Variants in EYS observed in about 807,000 individuals in gnomAD.
The protein encoded by EYS is protein eyes shut homolog.
EYS carries 250 observed loss-of-function variants against 282.1 expected under a neutral mutation model. The ratio of observed to expected loss-of-function variants is 0.89; its 90% CI spans 0.80 to 0.98. The LOEUF is 0.98. EYS is among the 50% of genes least tolerant of loss of function. EYS has a pLI of 0.00. For synonymous variants in EYS, 1,355 were observed against 1,282.9 expected, an observed-to-expected ratio of 1.06 and a Z score of -1.20; for missense variants, 4,016 against 3,709.0, an observed-to-expected ratio of 1.08 and a Z score of -2.15.
At chr6:64,604,036 TTC>T (rs1299581173) in intron 24 of EYS, among the ~76,000 whole-genome samples, 1 of 151,924 alleles carries the variant, frequency 6.6e-6, no homozygotes, top group Non-Finnish European at 1.5e-5. Flanking sequence ...TCTGCATTAT[TTC>T]TCTCTTTTTT....
At chr6:65,234,517 T>A (rs1310513507) in intron 12 of EYS, among the ~76,000 whole-genome samples, 1 of 152,172 alleles carries the variant, frequency 6.6e-6, no homozygotes, top group African/African-American at 2.4e-5. Context: ...TAATTGAAGA[T>A]CACCATCATT....
intron 30 of EYS, among the ~76,000 whole-genome samples, chr6:64,249,309 CAT>C (rs1223324373): frequency 6.6e-6 from 1 of 152,026 alleles, no homozygotes; most frequent in Admixed American, 6.6e-5. Flanking sequence ...TGCTCTGACT[CAT>C]AAGTAAGAGC....
chr6:64,254,950 A>G (rs1184320394), intron 30 of EYS, among the ~76,000 whole-genome samples: 1 of 152,140 alleles, frequency 6.6e-6, no homozygotes, highest in Non-Finnish European at 1.5e-5. Flanking sequence ...AGGAAATTTG[A>G]TGTTAAAGAT....
intron 35 of EYS, among the ~76,000 whole-genome samples, chr6:63,967,856 T>TA (rs1766378840): frequency 6.6e-6 from 1 of 152,196 alleles, no homozygotes; most frequent in South Asian, 2.1e-4. Flanking sequence ...GTCAGCCTCT[T>TA]ACAGCCCTGG....
chr6:64,151,325 A>ATATATT (rs1554212618), intron 31 of EYS, among the ~76,000 whole-genome samples: 6 of 78,668 alleles, frequency 7.6e-5, no homozygotes, highest in African/African-American at 4.3e-4. Context: ...ATTTATATAT[A>ATATATT]TATATATATA....
At chr6:63,935,594 A>G (rs1286898478) in intron 35 of EYS, among the ~76,000 whole-genome samples, 2 of 152,184 alleles carry the variant, frequency 1.3e-5, no homozygotes, top group East Asian at 3.8e-4. Context: ...ATGTATACAC[A>G]TAGAGGAAAG....
rs144307807 is a variant in EYS at position 64,334,868 on chromosome 6, T to A, written c.6079-27786A>T. Among the ~76,000 whole-genome samples the A allele has an allele frequency of 8.0e-3, 1,222 of 152,230 alleles. 8 individuals carry two copies. Among genetic ancestry groups the A allele is most frequent in the Non-Finnish European group, 0.013 (888 of 68,014 alleles). On this transcript the variant is annotated intron_variant, in intron 29 of 42. Coordinates refer to ENST00000503581, the MANE Select transcript of EYS (RefSeq NM_001142800.2). ...TGGTCTGGCTGGAACCCAAGTTCAC[T>A]CTTTGGAGGATGGTTTTCATGGTTT...
At position 65,397,338 on chromosome 6, in the gene EYS, C is replaced by T. The variant is rs73445173; in HGVS notation, c.1184+5140G>A. 6.9e-3 allele frequency among the ~76,000 whole-genome samples: 1,042 copies of T among 151,740 alleles called. 11 individuals are homozygous for T. The highest frequency in any genetic ancestry group is 0.023 in the African/African-American group (967 of 41,358). On this transcript the variant is annotated intron_variant, in intron 7 of 42. Coordinates refer to ENST00000503581, the MANE Select transcript of EYS (RefSeq NM_001142800.2). Reference sequence around the variant, plus strand: ...ATAACCCGAATAGTGAACATTTTACCCAATAGTTCATATTTCATTCTTACA... The same window carrying T: ...ATAACCCGAATAGTGAACATTTTACTCAATAGTTCATATTTCATTCTTACA...
rs975981842 is a variant in EYS, at chr6:63,962,822, T to C, written c.7055+21561A>G. 3.3e-5 allele frequency among the ~76,000 whole-genome samples: 5 copies of C among 152,258 alleles called. No homozygotes were observed. In the Middle Eastern group the frequency reaches 0.01, roughly 311 times the overall value. ...GACACATGCGCACGTATGTTTATTGTGGCACTATTCACGATAGCAAAGACT... is the reference window on the plus strand; with the variant it reads ...GACACATGCGCACGTATGTTTATTGCGGCACTATTCACGATAGCAAAGACT... On this transcript the variant is annotated intron_variant, in intron 35 of 42. Coordinates refer to ENST00000503581, the MANE Select transcript of EYS (RefSeq NM_001142800.2).
At chr6:63,930,598 T>G (rs1223302847) in intron 35 of EYS, among the ~76,000 whole-genome samples, 1 of 152,196 alleles carries the variant, frequency 6.6e-6, no homozygotes, top group Non-Finnish European at 1.5e-5. Flanking sequence ...ATGCTTATTT[T>G]AGATATAAAA....
intron 7 of EYS, among the ~76,000 whole-genome samples, chr6:65,386,392 C>A (rs1286963501): frequency 6.9e-6 from 1 of 144,802 alleles, no homozygotes; most frequent in Non-Finnish European, 1.5e-5. Flanking sequence ...GCGCTTGTAT[C>A]CCTGAACTTT....
intron 19 of EYS, among the ~76,000 whole-genome samples, chr6:64,875,522 A>G (rs1465181237): frequency 1.3e-5 from 2 of 152,054 alleles, no homozygotes; most frequent in Admixed American, 6.6e-5. Context: ...AAAGTTCCCT[A>G]TGTAAAGTGC....
chr6:64,485,705 A>G (rs1242431501), intron 26 of EYS, among the ~76,000 whole-genome samples: 4 of 151,518 alleles, frequency 2.6e-5, no homozygotes, highest in African/African-American at 7.3e-5. Context: ...CTAACCACCA[A>G]ATGAAGCATG....
chr6:64,136,453 A>G (rs561104275), intron 31 of EYS, among the ~76,000 whole-genome samples: 1 of 152,262 alleles, frequency 6.6e-6, no homozygotes, highest in South Asian at 2.1e-4. Context: ...GAAAATTTTC[A>G]ATTGACTTTG....
At chr6:64,275,408 GA>G (rs1373102084) in intron 30 of EYS, among the ~76,000 whole-genome samples, 1 of 151,070 alleles carries the variant, frequency 6.6e-6, no homozygotes, top group Non-Finnish European at 1.5e-5. Flanking sequence ...TATTTTGATA[GA>G]ATCAGAACCA....
chr6:63,737,331 A>G (rs1181414069), intron 41 of EYS, among the ~76,000 whole-genome samples: 1 of 152,144 alleles, frequency 6.6e-6, no homozygotes. Context: ...CCTTTTCTGC[A>G]TCTATTGAGA....
At chr6:65,617,924 T>C (rs354379) in intron 2 of EYS, among the ~76,000 whole-genome samples, 45,523 of 148,280 alleles carry the variant, frequency 0.31, 6,954 homozygotes, top group African/African-American at 0.57. Flanking sequence ...GGTGTATATG[T>C]GCCACATTTT....
At chr6:64,090,597 T>G (rs551890900) in intron 31 of EYS, among the ~76,000 whole-genome samples, 21 of 152,152 alleles carry the variant, frequency 1.4e-4, no homozygotes, top group Non-Finnish European at 2.4e-4. Flanking sequence ...TTAATTTTTT[T>G]TGTGTGTCCT....
intron 13 of EYS, among the ~76,000 whole-genome samples, chr6:65,049,024 A>C (rs1460966838): frequency 1.3e-5 from 2 of 151,852 alleles, no homozygotes; most frequent in Non-Finnish European, 2.9e-5. Flanking sequence ...GAGATGATAG[A>C]TGTGTTAATC....
Sources: gnomAD v4.1 joint callset for allele counts (sites outside exome capture counted in the v4.1 genomes callset) on GRCh38, gnomAD v4.1.1 for gene constraint, MANE v1.5 for transcripts, NCBI Gene and HGNC (gene_info 2026-07-23, HGNC 2026-07-21) for gene names.